COL19A1: variants seen among roughly 807,000 people sequenced by gnomAD.
The protein encoded by COL19A1 is collagen alpha-1(XIX) chain.
In COL19A1, 159 loss-of-function variants were observed where a neutral mutation model predicts 190.2. The ratio of observed to expected loss-of-function variants is 0.84; its 90% confidence interval spans 0.73 to 0.95. The LOEUF (loss-of-function observed/expected upper bound fraction) is 0.95. Ranked by LOEUF, COL19A1 falls within the 40% of genes least tolerant of loss-of-function variation. The probability of loss-of-function intolerance (pLI) is 0.00; values close to 1 mark genes in which losing one functional copy is unlikely to be tolerated. For missense variants in COL19A1, 1,418 were observed against 1,431.9 expected, an observed-to-expected ratio of 0.99 and a Z score of 0.16; for synonymous variants, 509 against 458.9, an observed-to-expected ratio of 1.11 and a Z score of -1.39.
At chr6:70,050,569 A>G (rs1054501851) in intron 14 of COL19A1, among the ~76,000 whole-genome samples, 1 of 152,048 alleles carries the variant, frequency 6.6e-6, no homozygotes, top group African/African-American at 2.4e-5. Flanking sequence ...TTTTTTACTG[A>G]CAAACAAATT....
intron 15 of COL19A1, among the ~76,000 whole-genome samples, chr6:70,074,687 G>A (rs949075801): frequency 6.6e-6 from 1 of 151,874 alleles, no homozygotes; most frequent in Admixed American, 6.6e-5. Context: ...TTTTAGAGAG[G>A]AGTCTTATAG....
At chr6:70,192,518 C>T (rs1489445694) in intron 48 of COL19A1, among the ~76,000 whole-genome samples, 2 of 150,070 alleles carry the variant, frequency 1.3e-5, no homozygotes, top group East Asian at 3.9e-4. Flanking sequence ...TTTTTTGACC[C>T]TTGAATCAAA....
intron 23 of COL19A1, 74 bp from the exon 24 acceptor site, chr6:70,144,136 A>T: frequency 7.7e-7 from 1 of 1,305,000 alleles, no homozygotes; most frequent in Non-Finnish European, 1.1e-6. Flanking sequence ...CTTGACAGAG[A>T]TTCACAGATA....
intron 15 of COL19A1, among the ~76,000 whole-genome samples, chr6:70,072,999 A>ATTTAT (rs752756329): frequency 6.4e-5 from 9 of 139,830 alleles, no homozygotes; most frequent in Non-Finnish European, 1.4e-4. Flanking sequence ...TTATTTATTT[A>ATTTAT]TTATTGAGAG....
intron 11 of COL19A1, among the ~76,000 whole-genome samples, chr6:69,966,138 C>A (rs901945408): frequency 6.6e-6 from 1 of 152,162 alleles, no homozygotes; most frequent in South Asian, 2.1e-4. Flanking sequence ...ACATTAGAAG[C>A]CGTCCGGGAG....
chr6:70,032,875 T>C (rs1779148250), intron 12 of COL19A1, among the ~76,000 whole-genome samples: 2 of 152,176 alleles, frequency 1.3e-5, no homozygotes, highest in Non-Finnish European at 2.9e-5. Flanking sequence ...AATTTCTTCC[T>C]TCAAGTGTTT....
chr6:70,188,314 C>T (rs1766655112), intron 47 of COL19A1, 69 bp downstream of exon 47: 5 of 1,471,906 alleles, frequency 3.4e-6, no homozygotes, highest in African/African-American at 2.8e-5. Context: ...ACAATGAAAG[C>T]AATGATACTG....
chr6:69,874,102 TG>T (rs904673487), intron 1 of COL19A1, among the ~76,000 whole-genome samples: 2 of 152,170 alleles, frequency 1.3e-5, no homozygotes, highest in African/African-American at 4.8e-5. Context: ...GCAAGGAGGT[TG>T]TGGACAAAGC....
chr6:69,987,368 T>G (rs1041151973), intron 11 of COL19A1, among the ~76,000 whole-genome samples: 6 of 152,230 alleles, frequency 3.9e-5, no homozygotes, highest in African/African-American at 1.4e-4. Context: ...GTGCAAACAT[T>G]ATCCTCTTGA....
chr6:70,173,022 G>C lies in COL19A1; in HGVS notation c.2622+1005G>C, dbSNP rs952490554. Among the ~76,000 whole-genome samples, 3 of 152,300 alleles carry C rather than the reference G, an allele frequency of 2.0e-5. No individual in the cohort carries two copies. In the East Asian group the frequency reaches 5.8e-4, roughly 29 times the overall value. On this transcript the variant is annotated intron_variant, in intron 41 of 50. Transcript: ENST00000620364. ...GATTTTCAGATTGATTGCATTATTA[G>C]AGAATAAAGAGGAGTCAAACACGAA...
rs1177102415 is a variant in COL19A1 at position 69,932,845 on chromosome 6, T to C, written c.729T>C (p.Cys243=). 6.2e-7 allele frequency: 1 copy of C among 1,606,058 alleles called. No homozygotes were observed. Among genetic ancestry groups the C allele is most frequent in the East Asian group, 2.2e-5 (1 of 44,648 alleles). ...ACCTCATAGCTCAAGAAACATGTTGTGAAATATCAGATACTAAGGTAAGTT... is the reference window on the plus strand; with the variant it reads ...ACCTCATAGCTCAAGAAACATGTTGCGAAATATCAGATACTAAGGTAAGTT... The part of the protein sequence containing the change: ...SANLIAQETC[C]EISDTKCPEQ... The change falls in exon 7 of 51, where the codon TGT becomes TGC. Residue 243 remains cysteine, a synonymous_variant. Transcript: ENST00000620364.
At chr6:70,021,694 A>C (rs1778424634) in intron 11 of COL19A1, among the ~76,000 whole-genome samples, 1 of 152,172 alleles carries the variant, frequency 6.6e-6, no homozygotes, top group Non-Finnish European at 1.5e-5. Context: ...TATCGTGATG[A>C]TGGAAATGTT....
intron 1 of COL19A1, among the ~76,000 whole-genome samples, chr6:69,870,476 A>G (rs1767757112): frequency 6.6e-6 from 1 of 152,218 alleles, no homozygotes; most frequent in African/African-American, 2.4e-5. Context: ...AGTGTTTTCC[A>G]GATCGGAGAG....
Position 69,900,263 on chromosome 6 carries a change from C to G in COL19A1, c.191C>G (p.Ser64Cys), listed in dbSNP as rs1481271016. The stretch of plus-strand genomic sequence containing the variant: ...GGTTTTGATCTAGGAGACAGCTTTT[C>G]TCTAAGACGTGCATTTTGTGAAAGT... ...VSGFDLGDSF[S>C]LRRAFCESDK... The change falls in exon 4 of 51, where the codon TCT (serine) becomes TGT (cysteine). Residue 64 changes from serine (S) to cysteine (C), a missense_variant. Transcript: ENST00000620364. The G allele has an allele frequency of 1.9e-6, 3 of 1,594,322 alleles. No homozygotes were observed. Among genetic ancestry groups the G allele is most frequent in the South Asian group, 2.3e-5 (2 of 86,754 alleles).
chr6:69,907,649 T>A (rs1162253843), intron 4 of COL19A1, among the ~76,000 whole-genome samples: 1 of 152,242 alleles, frequency 6.6e-6, no homozygotes, highest in Admixed American at 6.5e-5. Context: ...TGTTAAGATT[T>A]TGTGTTTTAT....
chr6:70,024,582 C>CGT (rs71536487), intron 12 of COL19A1, among the ~76,000 whole-genome samples: 2,955 of 143,450 alleles, frequency 0.021, 39 homozygotes, highest in Non-Finnish European at 0.027. Flanking sequence ...TGGAGAAAGT[C>CGT]GTGTGTGTGT....
intron 4 of COL19A1, among the ~76,000 whole-genome samples, chr6:69,916,015 C>A (rs1165082584): frequency 2.7e-5 from 4 of 148,478 alleles, no homozygotes; most frequent in Admixed American, 1.4e-4. Context: ...CAGCTCACTG[C>A]AAGCTCTGCC....
intron 14 of COL19A1, among the ~76,000 whole-genome samples, chr6:70,051,738 A>AT (rs147287891): frequency 0.071 from 10,864 of 152,106 alleles, 1,038 homozygotes; most frequent in African/African-American, 0.22. Context: ...TCTCAACAAT[A>AT]CCATTTTTCA....
At position 70,211,686 on chromosome 6, in the gene COL19A1, G is replaced by A. The variant is rs997953; in HGVS notation, c.*4412G>A. On this transcript the variant is annotated 3_prime_UTR_variant, in exon 51 of 51. Coordinates refer to ENST00000620364, the MANE Select transcript of COL19A1 (RefSeq NM_001858.6). ...ACTAAAAGTCTCAGGCAATAGGACAGATGAGTGTCATCATTTTTATTGTGT... is the reference window on the plus strand; with the variant it reads ...ACTAAAAGTCTCAGGCAATAGGACAAATGAGTGTCATCATTTTTATTGTGT... Among the ~76,000 whole-genome samples, 51,887 of 151,126 alleles carry A rather than the reference G, an allele frequency of 0.34. 9,090 individuals carry two copies. The highest frequency in any genetic ancestry group is 0.43 in the East Asian group (2,230 of 5,164).
Sources: gnomAD v4.1 joint callset for allele counts (sites outside exome capture counted in the v4.1 genomes callset) on GRCh38, gnomAD v4.1.1 for gene constraint, MANE v1.5 for transcripts, NCBI Gene and HGNC (gene_info 2026-07-23, HGNC 2026-07-21) for gene names.